C1orf94: variants seen among roughly 807,000 people sequenced by gnomAD.
C1orf94 encodes the protein uncharacterized protein C1orf94.
In C1orf94, 45 loss-of-function variants were observed where a neutral mutation model predicts 53.6. The observed-to-expected ratio is 0.84, with a 90% confidence interval of 0.66 to 1.08. The LOEUF (loss-of-function observed/expected upper bound fraction) is 1.08, where lower values mean the gene tolerates loss of function less well. C1orf94 is among the 50% of genes least tolerant of loss of function. The probability of loss-of-function intolerance (pLI) is 0.00; values close to 1 mark genes in which losing one functional copy is unlikely to be tolerated. For synonymous variants in C1orf94, 304 were observed against 296.1 expected, an observed-to-expected ratio of 1.03 and a Z score of -0.27; for missense variants, 762 against 738.9, an observed-to-expected ratio of 1.03 and a Z score of -0.36.
intron 5 of C1orf94, among the ~76,000 whole-genome samples, chr1:34,210,100 T>C (rs988803876): frequency 6.6e-6 from 1 of 152,184 alleles, no homozygotes; most frequent in South Asian, 2.1e-4. Flanking sequence ...TACTTTATAG[T>C]TTCATCAGAT....
Position 34,200,591 on chromosome 1 carries a change from G to A in C1orf94, c.1010-181G>A, listed in dbSNP as rs926876080. Among the ~76,000 whole-genome samples, 3 of 152,126 alleles carry A rather than the reference G, an allele frequency of 2.0e-5. No homozygotes were observed. The East Asian group carries it at 5.8e-4, about 29-fold the overall frequency. ...ATGGATGCATGAGATCGGGGGGCAG[G>A]GGCCAGGGAGGGTTTCAGGGAGAGA... On this transcript the variant is annotated intron_variant, in intron 2 of 6. Transcript: ENST00000488417.
At position 34,177,065 on chromosome 1, in the gene C1orf94, GC is replaced by G. The variant is rs1482790249; in HGVS notation, c.-722del. ...CTTGAGCCGCTGGGCCCTTCCCGGT[GC>G]CCGCCTGGCAGCGCGGCGCGGCTGG... On this transcript the variant is annotated 5_prime_UTR_variant, in exon 1 of 7. Transcript: ENST00000488417. 6.6e-6 allele frequency among the ~76,000 whole-genome samples: 1 copy of G among 152,244 alleles called. No homozygotes were observed. The highest frequency in any genetic ancestry group is 2.4e-5 in the African/African-American group (1 of 41,470).
chr1:34,208,151 C>A lies in C1orf94; in HGVS notation c.1447-6C>A. On this transcript the variant is annotated splice_region_variant and splice_polypyrimidine_tract_variant and intron_variant, in intron 4 of 6. Coordinates refer to ENST00000488417, the MANE Select transcript of C1orf94 (RefSeq NM_001134734.2). ...CTGGCCATACTGAGCCTCTGTTTCTCCCCAGGGCCTGTACCCACAGCAGGC... is the reference window on the plus strand; with the variant it reads ...CTGGCCATACTGAGCCTCTGTTTCTACCCAGGGCCTGTACCCACAGCAGGC... 3.7e-6 allele frequency: 6 copies of A among 1,613,964 alleles called. No individual in the cohort carries two copies. The highest frequency in any genetic ancestry group is 5.1e-6 in the Non-Finnish European group (6 of 1,179,942).
upstream of C1orf94, among the ~76,000 whole-genome samples, chr1:34,175,190 ATT>A (rs10608833): frequency 0.37 from 49,291 of 133,256 alleles, 9,665 homozygotes; most frequent in East Asian, 0.7. Context: ...GCTGTATTTG[ATT>A]TTTTTTTTTT....
chr1:34,170,771 T>A (rs1439488216), intron 1 of C1orf94, among the ~76,000 whole-genome samples: 1 of 151,892 alleles, frequency 6.6e-6, no homozygotes, highest in Non-Finnish European at 1.5e-5. Flanking sequence ...CCTGCCTCTC[T>A]GCTCAGCTCC....
In C1orf94 at chr1:34,169,400, C is replaced by T. The variant is rs557759472; in HGVS notation, c.-251+2229C>T. 5.3e-5 allele frequency among the ~76,000 whole-genome samples: 8 copies of T among 152,224 alleles called. No homozygotes were observed. In the South Asian group the frequency reaches 1.7e-3, roughly 32 times the overall value. On this transcript the variant is annotated intron_variant, in intron 1 of 6. Transcript: ENST00000373374. Reference sequence around the variant, plus strand: ...GGGTTGAGGTGTCTTTACAATATCACATTGCAAAAAAGCCCAATGCAGTCT... The same window carrying T: ...GGGTTGAGGTGTCTTTACAATATCATATTGCAAAAAAGCCCAATGCAGTCT...
rs1324229650 is a variant in C1orf94 at position 34,200,645 on chromosome 1, C to T, written c.1010-127C>T. The T allele has an allele frequency of 2.3e-6, 3 of 1,293,270 alleles. No homozygotes were observed. The African/African-American group carries it at 4.5e-5, about 19-fold the overall frequency. The allele number at this position is 1,293,270 out of a possible 1,614,324, so 80.1% of individuals were successfully genotyped here. On this transcript the variant is annotated intron_variant, in intron 2 of 6. Transcript: ENST00000488417. ...GGATTGTATTTGGCTGAAAGAGAGT[C>T]CCCCAAAGTGGTCCAAGCCTCAGGT...
Position 34,212,290 on chromosome 1 carries a change from T to G in C1orf94, c.1605T>G (p.Phe535Leu), listed in dbSNP as rs1642903237. Residue 535 changes from phenylalanine to leucine, a missense_variant, in exon 6 of 7, where the codon TTT (phenylalanine) becomes TTG (leucine). By Grantham distance (22) the Phe-to-Leu change is conservative (BLOSUM62 0). Transcript: ENST00000488417. ...SYTPLLSYIP[F>L]VQPNYPYPQR... ...CCCCTCTGCTGAGCTACATCCCTTT[T>G]GTCCAGCCCAATTATCCCTACCCTC... is the stretch of plus-strand genomic sequence containing the variant. 1 of 1,613,894 alleles carries G rather than the reference T, an allele frequency of 6.2e-7. No individual in the cohort carries two copies. The highest frequency in any genetic ancestry group is 1.3e-5 in the African/African-American group (1 of 74,882).
chr1:34,182,666 T>C (rs780862343), intron 1 of C1orf94, among the ~76,000 whole-genome samples: 1 of 152,146 alleles, frequency 6.6e-6, no homozygotes, highest in Non-Finnish European at 1.5e-5. Context: ...AACAGACACA[T>C]TGAGGCTCAT....
At chr1:34,195,075 G>C (rs945435836) in intron 1 of C1orf94, among the ~76,000 whole-genome samples, 5 of 152,156 alleles carry the variant, frequency 3.3e-5, no homozygotes, top group African/African-American at 1.2e-4. Flanking sequence ...GGAGGCAAAG[G>C]AAGGGAATAG....
At chr1:34,190,883 C>G (rs1270385783) in intron 1 of C1orf94, among the ~76,000 whole-genome samples, 1 of 152,180 alleles carries the variant, frequency 6.6e-6, no homozygotes, top group Admixed American at 6.5e-5. Flanking sequence ...AACTGTGACT[C>G]ATTTAGCTCT....
chr1:34,207,950 G>A lies in C1orf94; in HGVS notation c.1447-207G>A, dbSNP rs1229775216. ...CCTGTCTCCCACACTCATCAGAAAG[G>A]CTGTGAAGGCTGCCTAAGAGGGGCT... On this transcript the variant is annotated intron_variant, in intron 4 of 6. Coordinates refer to ENST00000488417, the MANE Select transcript of C1orf94 (RefSeq NM_001134734.2). 5.9e-5 allele frequency among the ~76,000 whole-genome samples: 9 copies of A among 152,306 alleles called. 1 individual carries two copies. The East Asian group carries it at 1.7e-3, about 29-fold the overall frequency.
At chr1:34,202,305 T>C in intron 4 of C1orf94, 46 bp downstream of exon 4, 1 of 1,593,810 alleles carries the variant, frequency 6.3e-7, no homozygotes, top group East Asian at 2.3e-5. Flanking sequence ...ACGGGGGTTT[T>C]GGCCACAGAG....
intron 1 of C1orf94, among the ~76,000 whole-genome samples, chr1:34,193,476 C>T (rs1642531105): frequency 6.6e-6 from 1 of 152,176 alleles, no homozygotes; most frequent in Admixed American, 6.5e-5. Flanking sequence ...AGCAATATTC[C>T]TGAGTGCATT....
intron 1 of C1orf94, among the ~76,000 whole-genome samples, chr1:34,178,651 C>T (rs181903410): frequency 5.3e-5 from 8 of 152,170 alleles, no homozygotes; most frequent in Non-Finnish European, 8.8e-5. Context: ...AATTAAAGTG[C>T]GGGAAGATGG....
rs1557486301 is a variant in C1orf94 at position 34,202,093 on chromosome 1, C to T, written c.1280C>T (p.Pro427Leu). The T allele has an allele frequency of 6.2e-7, 1 of 1,613,484 alleles. No homozygotes were observed. The highest frequency in any genetic ancestry group is 8.5e-7 in the Non-Finnish European group (1 of 1,179,700). Reference sequence around the variant, plus strand: ...CTCCTGTGACTTGCAGTTAACGCACCTGTGACGGTTGCTGACAAGAACAAC... The same window carrying T: ...CTCCTGTGACTTGCAGTTAACGCACTTGTGACGGTTGCTGACAAGAACAAC... The part of the protein sequence containing the change: ...VDGPELKFNA[P>L]VTVADKNNPK... The change falls in exon 4 of 7, where the codon CCT becomes CTT. Residue 427 changes from proline to leucine, a missense_variant. Physicochemically the swap from Pro to Leu is moderately conservative, Grantham distance 98. Transcript: ENST00000488417.
At chr1:34,192,279 G>A (rs1404637704) in intron 1 of C1orf94, among the ~76,000 whole-genome samples, 1 of 152,162 alleles carries the variant, frequency 6.6e-6, no homozygotes, top group African/African-American at 2.4e-5. Context: ...ATTACTCAAG[G>A]TCAATGCGGG....
At chr1:34,194,848 C>A (rs577375578) in intron 1 of C1orf94, among the ~76,000 whole-genome samples, 1 of 152,280 alleles carries the variant, frequency 6.6e-6, no homozygotes, top group Non-Finnish European at 1.5e-5. Context: ...TGGTGTATGG[C>A]TTGCTTTGCA....
intron 6 of C1orf94, among the ~76,000 whole-genome samples, chr1:34,217,923 A>G (rs1643016927): frequency 6.6e-6 from 1 of 152,254 alleles, no homozygotes; most frequent in African/African-American, 2.4e-5. Flanking sequence ...GTATCTGAGC[A>G]GATGGGTGAA....
Sources: allele counts gnomAD v4.1 joint callset (sites outside exome capture counted in the v4.1 genomes callset), GRCh38; gene constraint gnomAD v4.1.1; transcripts MANE v1.5; gene names NCBI Gene and HGNC (gene_info 2026-07-23, HGNC 2026-07-21).